Variants in RASEF observed in about 807,000 individuals in gnomAD.
RASEF encodes the protein ras and EF-hand domain-containing protein.
A neutral mutation model predicts 90.1 loss-of-function variants in RASEF; 68 were observed. That is an observed-to-expected ratio of 0.75 (90% CI 0.62 to 0.92). The LOEUF (loss-of-function observed/expected upper bound fraction) is 0.92. Among genes scored for constraint, RASEF ranks in the 40% least tolerant of loss-of-function variants. The pLI, the probability that RASEF is intolerant of heterozygous loss-of-function variation, is 0.00. For missense variants in RASEF, 949 were observed against 937.2 expected (o/e 1.01, Z -0.16); for synonymous variants, 331 against 345.2 (o/e 0.96, Z 0.46).
upstream of RASEF, among the ~76,000 whole-genome samples, chr9:83,063,798 G>C (rs1022995840): frequency 1.3e-5 from 2 of 152,126 alleles, no homozygotes; most frequent in African/African-American, 2.4e-5. Context: ...GTTACCCTTT[G>C]GTTTTAAACA....
chr9:83,170,958 T>C, the RASEF span, among the ~76,000 whole-genome samples: 1 of 151,974 alleles, frequency 6.6e-6, no homozygotes, highest in Non-Finnish European at 1.5e-5. Flanking sequence ...TCTGGTACTA[T>C]GCTCAATAGG....
chr9:83,207,172 GGACATTCTGCTCCAAGAGAGT>G, the RASEF span, among the ~76,000 whole-genome samples: 5 of 139,568 alleles, frequency 3.6e-5, no homozygotes, highest in African/African-American at 1.7e-4. Flanking sequence ...AGTCTATCAC[GGACATTCTGCTCCAAGAGAGT>G]CTATCACGGA....
the RASEF span, among the ~76,000 whole-genome samples, chr9:83,074,983 A>T: frequency 6.6e-6 from 1 of 152,254 alleles, no homozygotes; most frequent in African/African-American, 2.4e-5. Context: ...ATATTAACTT[A>T]CTTAAAATTT....
the RASEF span, among the ~76,000 whole-genome samples, chr9:83,205,103 C>G: frequency 2.6e-5 from 4 of 152,122 alleles, no homozygotes; most frequent in Non-Finnish European, 5.9e-5. Context: ...TTAAAAGGAT[C>G]CCAGAAGAAA....
the RASEF span, among the ~76,000 whole-genome samples, chr9:83,179,622 G>A: frequency 6.6e-6 from 1 of 152,164 alleles, no homozygotes; most frequent in Non-Finnish European, 1.5e-5. Flanking sequence ...CGACCACAGT[G>A]CCTATAGTGT....
At chr9:82,991,207 ACTCTT>A (rs1194601501) in intron 15 of RASEF, among the ~76,000 whole-genome samples, 3 of 151,748 alleles carry the variant, frequency 2.0e-5, no homozygotes, top group Admixed American at 1.3e-4. Flanking sequence ...CTTTGCACCT[ACTCTT>A]CTCATCACCT....
At chr9:83,158,633 T>C in the RASEF span, among the ~76,000 whole-genome samples, 4 of 115,582 alleles carry the variant, frequency 3.5e-5, no homozygotes, top group Admixed American at 1.8e-4. Context: ...TACATATGTA[T>C]ATATGTATAT....
chr9:83,006,351 C>T (rs1311175060), intron 7 of RASEF, among the ~76,000 whole-genome samples: 1 of 152,168 alleles, frequency 6.6e-6, no homozygotes, highest in Non-Finnish European at 1.5e-5. Flanking sequence ...TTTTCACCCA[C>T]TTCCCACTCT....
chr9:83,013,523 C>A (rs893613467), intron 4 of RASEF, among the ~76,000 whole-genome samples: 2 of 152,204 alleles, frequency 1.3e-5, no homozygotes, highest in African/African-American at 4.8e-5. Flanking sequence ...GAATCAAGGA[C>A]ACAGTTAGTG....
the RASEF span, among the ~76,000 whole-genome samples, chr9:83,129,911 A>G: frequency 2.6e-5 from 4 of 152,256 alleles, no homozygotes; most frequent in Non-Finnish European, 4.4e-5. Context: ...CCTAAGGTAC[A>G]TAATAGATTT....
At chr9:83,184,921 C>T in the RASEF span, among the ~76,000 whole-genome samples, 22 of 152,232 alleles carry the variant, frequency 1.4e-4, no homozygotes, top group Middle Eastern at 3.4e-3. Context: ...CAGGCAGTTC[C>T]GGAACGTGCA....
At chr9:83,145,615 G>T in the RASEF span, among the ~76,000 whole-genome samples, 1 of 151,940 alleles carries the variant, frequency 6.6e-6, no homozygotes, top group Non-Finnish European at 1.5e-5. Context: ...ATAAATAATA[G>T]TTCCAAGGAA....
chr9:83,067,513 TA>T (rs1830291699), upstream of RASEF, among the ~76,000 whole-genome samples: 1 of 152,234 alleles, frequency 6.6e-6, no homozygotes, highest in Non-Finnish European at 1.5e-5. Flanking sequence ...ATCTATTTTT[TA>T]AAATGAAGCA....
At chr9:83,156,762 T>TGCTC in the RASEF span, among the ~76,000 whole-genome samples, 1 of 152,208 alleles carries the variant, frequency 6.6e-6, no homozygotes, top group Non-Finnish European at 1.5e-5. Context: ...AGTCCTGGAT[T>TGCTC]GCTCATCTTT....
the RASEF span, among the ~76,000 whole-genome samples, chr9:83,085,648 G>A: frequency 4.6e-5 from 7 of 151,866 alleles, no homozygotes; most frequent in South Asian, 8.3e-4. Flanking sequence ...CTATATGGCC[G>A]GGCGCAGTGG....
At chr9:83,087,049 T>C in the RASEF span, among the ~76,000 whole-genome samples, 13 of 152,202 alleles carry the variant, frequency 8.5e-5, no homozygotes, top group Non-Finnish European at 1.8e-4. Flanking sequence ...CAGAGCCACT[T>C]AAAACAAGTA....
the RASEF span, among the ~76,000 whole-genome samples, chr9:83,114,109 T>A: frequency 6.6e-6 from 1 of 152,180 alleles, no homozygotes; most frequent in African/African-American, 2.4e-5. Flanking sequence ...GGACCCCGAA[T>A]GGAGGGACCA....
At chr9:83,103,434 A>AT in the RASEF span, among the ~76,000 whole-genome samples, 1 of 152,216 alleles carries the variant, frequency 6.6e-6, no homozygotes, top group Non-Finnish European at 1.5e-5. Context: ...TATGAGTGAA[A>AT]TAATATATTT....
At chr9:83,028,389 A>G (rs1829584244) in intron 1 of RASEF, among the ~76,000 whole-genome samples, 1 of 152,222 alleles carries the variant, frequency 6.6e-6, no homozygotes, top group Non-Finnish European at 1.5e-5. Flanking sequence ...AGGAACCAAG[A>G]AGTCTGAGAG....
Sources: allele counts gnomAD v4.1 joint callset (sites outside exome capture counted in the v4.1 genomes callset), GRCh38; gene constraint gnomAD v4.1.1; transcripts MANE v1.5; gene names NCBI Gene and HGNC (gene_info 2026-07-23, HGNC 2026-07-21).